Variants in PCNX1 observed in about 807,000 individuals in gnomAD.
PCNX1 encodes pecanex 1.
Under a neutral mutation model 242.2 loss-of-function variants are expected in PCNX1, and 78 were observed. The ratio of observed to expected loss-of-function variants is 0.32; its 90% CI spans 0.27 to 0.39. The LOEUF (loss-of-function observed/expected upper bound fraction) is 0.39. Among genes scored for constraint, PCNX1 ranks in the 10% least tolerant of loss-of-function variants. The pLI, the probability that PCNX1 is intolerant of heterozygous loss-of-function variation, is 1.00. For missense variants in PCNX1, 2,581 were observed against 2,856.5 expected (o/e 0.90, Z 2.20); for synonymous variants, 1,024 against 1,032.9 (o/e 0.99, Z 0.17).
chr14:71,076,313 C>T lies in PCNX1; in HGVS notation c.5231C>T (p.Pro1744Leu). Residue 1744 changes from proline to leucine, a missense_variant, in exon 28 of 36, where the codon CCA becomes CTA. Around this residue, in one of 9 missense-constraint regions of PCNX1, gnomAD observed 298 missense variants for 480.1 expected, o/e 0.62. Coordinates refer to ENST00000304743, the MANE Select transcript of PCNX1 (RefSeq NM_014982.3). ...NYVDVDPTFN[P>L]NIDEDYDHRL... is the part of the protein sequence containing the mutation. ...GTCGATGTGGACCCGACCTTTAATC[C>T]AAACATTGATGAAGACTATGACCAC... The T allele has an allele frequency of 6.2e-7, 1 of 1,613,840 alleles. No individual in the cohort carries two copies. Among genetic ancestry groups the T allele is most frequent in the Non-Finnish European group, 8.5e-7 (1 of 1,179,814 alleles).
At chr14:70,962,430 T>A (rs2058249638) in intron 3 of PCNX1, 99 bp downstream of exon 3, 1 of 660,538 alleles carries the variant, frequency 1.5e-6, no homozygotes, top group Non-Finnish European at 2.8e-6. Flanking sequence ...TTGTCATATC[T>A]TTCTGATTAT....
In PCNX1 at chr14:71,009,513, A is replaced by T. The variant is rs532759397; in HGVS notation, c.2630-121A>T. 2.2e-4 allele frequency: 104 copies of T among 480,930 alleles called. 1 individual carries two copies. Among genetic ancestry groups the T allele is most frequent in the Middle Eastern group, 5.5e-4 (1 of 1,812 alleles). The allele number at this position is 480,930 out of a possible 1,614,324, so 29.8% of individuals were successfully genotyped here. A position where few individuals can be genotyped will look rare whatever the true frequency, so the allele number is the denominator to read the frequency against. On this transcript the variant is annotated intron_variant, in intron 8 of 35. Transcript: ENST00000304743. ...ACATGCAGATCATTGTTTTAAAAAAATTTTTTTTAAAGGTTATGGTGTATT... is the reference window on the plus strand; with the variant it reads ...ACATGCAGATCATTGTTTTAAAAAATTTTTTTTTAAAGGTTATGGTGTATT...
At chr14:70,916,749 T>C (rs2056168481) in intron 1 of PCNX1, among the ~76,000 whole-genome samples, 1 of 152,178 alleles carries the variant, frequency 6.6e-6, no homozygotes, top group Non-Finnish European at 1.5e-5. Context: ...CTGTTGAAGG[T>C]TGAGGTGGCT....
chr14:71,009,833 A>T (rs558252813), intron 9 of PCNX1, 109 bp downstream of exon 9: 53 of 492,938 alleles, frequency 1.1e-4, no homozygotes, highest in African/African-American at 9.2e-4. Flanking sequence ...TTATAATTTA[A>T]TGTTGTTAAT....
At chr14:71,023,156 G>A (rs1185032759) in intron 12 of PCNX1, 44 bp from the exon 13 acceptor site, 5 of 1,509,058 alleles carry the variant, frequency 3.3e-6, no homozygotes, top group Middle Eastern at 1.7e-4. Context: ...TGTAAAATTA[G>A]CAAGACTTCA....
chr14:70,979,527 T>G (rs1040297290), intron 6 of PCNX1, among the ~76,000 whole-genome samples: 1 of 152,020 alleles, frequency 6.6e-6, no homozygotes, highest in African/African-American at 2.4e-5. Context: ...AAAAATCAGG[T>G]CTTTTGTTGT....
intron 26 of PCNX1, among the ~76,000 whole-genome samples, chr14:71,061,190 C>T (rs941513568): frequency 2.6e-5 from 4 of 152,166 alleles, no homozygotes; most frequent in East Asian, 1.9e-4. Flanking sequence ...ATGGGAGAAA[C>T]GTTGCAGGTT....
intron 3 of PCNX1, chr14:70,965,344 A>C (rs967538765): frequency 6.6e-6 from 1 of 152,170 alleles, no homozygotes; most frequent in Non-Finnish European, 1.5e-5. Context: ...GTGTGATATA[A>C]GTAACCAAAG....
chr14:71,016,985 G>C (rs1189220561), intron 11 of PCNX1, among the ~76,000 whole-genome samples: 1 of 151,968 alleles, frequency 6.6e-6, no homozygotes, highest in Admixed American at 6.6e-5. Flanking sequence ...TAGCCAGCCT[G>C]ATCAGAAAAA....
intron 28 of PCNX1, among the ~76,000 whole-genome samples, chr14:71,087,047 G>C (rs2062012062): frequency 6.6e-6 from 1 of 152,128 alleles, no homozygotes; most frequent in Admixed American, 6.5e-5. Context: ...AAAGTTGACA[G>C]GGGAAGGGAG....
chr14:70,949,439 G>C (rs2057686999), intron 2 of PCNX1, among the ~76,000 whole-genome samples: 1 of 150,676 alleles, frequency 6.6e-6, no homozygotes, highest in Non-Finnish European at 1.5e-5. Flanking sequence ...GTATATATGT[G>C]TATATATGTA....
chr14:71,034,301 A>G (rs1238449183), intron 18 of PCNX1, among the ~76,000 whole-genome samples: 2 of 152,180 alleles, frequency 1.3e-5, no homozygotes, highest in African/African-American at 4.8e-5. Flanking sequence ...TTCATTGGCC[A>G]TAGAATTTTT....
At chr14:71,074,293 A>G (rs1256380915) in intron 27 of PCNX1, among the ~76,000 whole-genome samples, 2 of 152,192 alleles carry the variant, frequency 1.3e-5, no homozygotes, top group Non-Finnish European at 2.9e-5. Context: ...AAGTATTGCA[A>G]AATTCAAGAG....
rs758563137 is a variant in PCNX1 at position 71,009,643 on chromosome 14, C to G, written c.2639C>G (p.Ser880Cys). ...ATCATTTATTTGCTAGGTAAGTTCT[C>G]TTCTACGCTGTATGAGACTGGTGGC... ...SSLHDELGKF[S>C]STLYETGGCD... Residue 880 changes from serine (S) to cysteine (C), a missense_variant, in exon 9 of 36, where the codon TCT (serine) becomes TGT (cysteine). Around this residue, in one of 9 missense-constraint regions of PCNX1, gnomAD observed 1,204 missense variants for 1,216.7 expected, o/e 0.99. Transcript: ENST00000304743. The G allele has an allele frequency of 6.3e-7, 1 of 1,579,834 alleles. No homozygotes were observed.
chr14:71,109,638 A>T, intron 35 of PCNX1, 46 bp downstream of exon 35: 1 of 1,608,794 alleles, frequency 6.2e-7, no homozygotes, highest in Non-Finnish European at 8.5e-7. Context: ...GCCTTTTTTG[A>T]AGTCCGCCTC....
chr14:71,016,187 A>G (rs2059958737), intron 11 of PCNX1, among the ~76,000 whole-genome samples: 1 of 152,256 alleles, frequency 6.6e-6, no homozygotes, highest in Non-Finnish European at 1.5e-5. Context: ...AGTGATAAGG[A>G]GTCAATTAAT....
intron 8 of PCNX1, among the ~76,000 whole-genome samples, chr14:71,006,169 G>A (rs188275649): frequency 0.01 from 1,263 of 123,904 alleles, 9 homozygotes; most frequent in South Asian, 0.02. Flanking sequence ...GTGTGTGTGT[G>A]TAGAGATGAG....
At chr14:71,004,303 C>T (rs2059591827) in intron 8 of PCNX1, among the ~76,000 whole-genome samples, 1 of 152,240 alleles carries the variant, frequency 6.6e-6, no homozygotes, top group Non-Finnish European at 1.5e-5. Flanking sequence ...GTCCCCAACT[C>T]CCAGGCCATG....
Position 70,908,013 on chromosome 14 carries a change from G to C in PCNX1, c.153+10G>C. 1 of 1,567,076 alleles carries C rather than the reference G, an allele frequency of 6.4e-7. No individual in the cohort carries two copies. Among genetic ancestry groups the C allele is most frequent in the South Asian group, 1.2e-5 (1 of 85,586 alleles). On this transcript the variant is annotated intron_variant, in intron 1 of 35. Coordinates refer to ENST00000304743, the MANE Select transcript of PCNX1 (RefSeq NM_014982.3). ...CTTCACCCTCTACATGGTGAGTGTG[G>C]GGGCGGGGAGCGGGTGGCTCCTTCC...
Sources: allele counts gnomAD v4.1 joint callset (sites outside exome capture counted in the v4.1 genomes callset), GRCh38; gene constraint gnomAD v4.1.1; regional missense constraint gnomAD v4.1.1; transcripts MANE v1.5; gene names NCBI Gene and HGNC (gene_info 2026-07-23, HGNC 2026-07-21).